IFT80: variants seen among roughly 807,000 people sequenced by gnomAD.
IFT80 encodes intraflagellar transport protein 80 homolog.
In IFT80, 79 loss-of-function variants were observed where a neutral mutation model predicts 107.9. The ratio of observed to expected loss-of-function variants is 0.73; its 90% CI spans 0.61 to 0.88. The LOEUF is 0.88. IFT80 is among the 40% of genes least tolerant of loss of function. IFT80 has a pLI of 0.00. For synonymous variants in IFT80, 299 were observed against 300.9 expected, an observed-to-expected ratio of 0.99 and a Z score of 0.07; for missense variants, 797 against 914.2, an observed-to-expected ratio of 0.87 and a Z score of 1.65.
At chr3:160,350,776 C>T (rs1345963726) in intron 8 of IFT80, among the ~76,000 whole-genome samples, 1 of 151,976 alleles carries the variant, frequency 6.6e-6, no homozygotes. Context: ...GATTGTGCCA[C>T]TGCACTCCAG....
intron 6 of IFT80, among the ~76,000 whole-genome samples, chr3:160,362,583 C>T (rs892558509): frequency 2.6e-5 from 4 of 152,168 alleles, no homozygotes; most frequent in Non-Finnish European, 4.4e-5. Context: ...GAATTTTAGA[C>T]CAATATCCCT....
chr3:160,280,946 A>G (rs1259005247), intron 14 of IFT80, 132 bp from the exon 15 acceptor site: 3 of 767,094 alleles, frequency 3.9e-6, no homozygotes, highest in Non-Finnish European at 6.5e-6. Flanking sequence ...TGATTCTATA[A>G]TGGTGAAAAA....
chr3:160,343,322 A>C (rs1380150849), intron 8 of IFT80, among the ~76,000 whole-genome samples: 2 of 152,184 alleles, frequency 1.3e-5, no homozygotes, highest in Non-Finnish European at 2.9e-5. Context: ...CAAAAAAGTT[A>C]TCTCTTACAC....
At chr3:160,310,412 G>A (rs1047133442) in intron 9 of IFT80, among the ~76,000 whole-genome samples, 2 of 152,166 alleles carry the variant, frequency 1.3e-5, no homozygotes, top group African/African-American at 2.4e-5. Flanking sequence ...GGCATGCTAG[G>A]AAACCAACTT....
intron 9 of IFT80, among the ~76,000 whole-genome samples, chr3:160,314,461 C>T (rs902904602): frequency 1.3e-5 from 2 of 152,148 alleles, no homozygotes; most frequent in South Asian, 2.1e-4. Flanking sequence ...TACAGGCTAT[C>T]ATGTCCCACA....
chr3:160,266,714 T>C (rs1713359427), intron 19 of IFT80, among the ~76,000 whole-genome samples: 1 of 152,102 alleles, frequency 6.6e-6, no homozygotes, highest in African/African-American at 2.4e-5. Context: ...CTCAAAAGTA[T>C]CAAATGTGAA....
chr3:160,301,414 C>A (rs1003804946), intron 11 of IFT80, among the ~76,000 whole-genome samples: 2 of 151,702 alleles, frequency 1.3e-5, no homozygotes, highest in African/African-American at 4.8e-5. Flanking sequence ...CATTTTAATG[C>A]CGGGTGCTAT....
intron 19 of IFT80, among the ~76,000 whole-genome samples, chr3:160,262,434 G>A (rs1271509700): frequency 5.9e-5 from 9 of 152,188 alleles, no homozygotes; most frequent in African/African-American, 1.9e-4. Context: ...ATGGCTCACC[G>A]CAGCCTCAAC....
At chr3:160,268,869 T>C in intron 18 of IFT80, 3 of 275,584 alleles carry the variant, frequency 1.1e-5, no homozygotes, top group Non-Finnish European at 7.0e-6. Flanking sequence ...GCCAATACAC[T>C]TATTGAAGGG....
chr3:160,296,938 T>C (rs747433524), intron 12 of IFT80, among the ~76,000 whole-genome samples: 8 of 152,180 alleles, frequency 5.3e-5, no homozygotes, highest in Non-Finnish European at 7.4e-5. Flanking sequence ...AGCTCCTCCT[T>C]ATCTGACAAC....
chr3:160,368,177 C>CCCAACTGAT (rs1252293685), intron 5 of IFT80, among the ~76,000 whole-genome samples: 5 of 151,554 alleles, frequency 3.3e-5, no homozygotes, highest in Admixed American at 3.3e-4. Flanking sequence ...AAATGAAAAG[C>CCCAACTGAT]CCAACTGATG....
At chr3:160,312,653 A>AAATATAT in intron 9 of IFT80, among the ~76,000 whole-genome samples, 1 of 48,346 alleles carries the variant, frequency 2.1e-5, no homozygotes, top group Non-Finnish European at 3.5e-5. Flanking sequence ...TATTATATAT[A>AAATATAT]AATATATAAT....
chr3:160,365,045 A>G (rs978106960), intron 6 of IFT80, among the ~76,000 whole-genome samples: 17 of 151,994 alleles, frequency 1.1e-4, no homozygotes, highest in African/African-American at 4.1e-4. Flanking sequence ...ACTATAAACT[A>G]AAGGTATAAA....
intron 8 of IFT80, among the ~76,000 whole-genome samples, chr3:160,351,555 ATG>A (rs1290020240): frequency 1.4e-5 from 2 of 143,276 alleles, no homozygotes; most frequent in Non-Finnish European, 1.5e-5. Context: ...CATATATTAT[ATG>A]TATATATATA....
At position 160,301,014 on chromosome 3, in the gene IFT80, T is replaced by C. The variant is rs561818110; in HGVS notation, c.1184A>G (p.Tyr395Cys). 1.9e-6 allele frequency: 3 copies of C among 1,592,184 alleles called. No individual in the cohort carries two copies. The highest frequency in any genetic ancestry group is 2.7e-5 in the African/African-American group (2 of 74,360). Reference sequence around the variant, plus strand: ...AAAGCGCCCTTCATATGAATATAAATAGATACTACTACCATCTACAAGAAG... The same window carrying C: ...AAAGCGCCCTTCATATGAATATAAACAGATACTACTACCATCTACAAGAAG... ...HFLLVDGSSI[Y>C]LYSYEGRFIS... Residue 395 changes from tyrosine (Y) to cysteine (C), a missense_variant, in exon 12 of 20, where the codon TAT becomes TGT. Physicochemically the swap from Tyr to Cys is radical, Grantham distance 194 (BLOSUM62 -2). Transcript: ENST00000326448.
chr3:160,376,247 A>T (rs148584739), intron 4 of IFT80, among the ~76,000 whole-genome samples: 1 of 152,232 alleles, frequency 6.6e-6, no homozygotes, highest in Non-Finnish European at 1.5e-5. Context: ...TGTAATAAGA[A>T]GAGCTGCAGC....
chr3:160,327,226 A>C (rs1437182115), intron 8 of IFT80, among the ~76,000 whole-genome samples: 1 of 152,204 alleles, frequency 6.6e-6, no homozygotes, highest in Non-Finnish European at 1.5e-5. Flanking sequence ...GGAAGAATCA[A>C]TATCGTGAAA....
intron 2 of IFT80, among the ~76,000 whole-genome samples, chr3:160,383,080 A>C (rs919371438): frequency 6.6e-6 from 1 of 152,190 alleles, no homozygotes; most frequent in Non-Finnish European, 1.5e-5. Context: ...ACTCACACAA[A>C]CAAATATGTA....
chr3:160,395,672 G>T lies in IFT80; in HGVS notation c.-47+3474C>A, dbSNP rs78406732. 9.6e-3 allele frequency among the ~76,000 whole-genome samples: 1,456 copies of T among 152,286 alleles called. 7 individuals are homozygous for T. Among genetic ancestry groups the T allele is most frequent in the Non-Finnish European group, 0.016 (1,106 of 68,028 alleles). On this transcript the variant is annotated intron_variant, in intron 1 of 19. Coordinates refer to ENST00000326448, the MANE Select transcript of IFT80 (RefSeq NM_020800.3). ...GCTGTAGCTATCTTACCACAGCAAG[G>T]GGAGAGCCAAAAGGTGCTAGAGGCC...
Sources: gnomAD v4.1 joint callset for allele counts (sites outside exome capture counted in the v4.1 genomes callset) on GRCh38, gnomAD v4.1.1 for gene constraint, MANE v1.5 for transcripts, NCBI Gene and HGNC (gene_info 2026-07-23, HGNC 2026-07-21) for gene names.